ZFYVE16: variants seen among roughly 807,000 people sequenced by gnomAD.
ZFYVE16 encodes the protein zinc finger FYVE domain-containing protein 16.
Under a neutral mutation model 138.1 loss-of-function variants are expected in ZFYVE16, and 89 were observed. The ratio of observed to expected loss-of-function variants is 0.64; its 90% CI spans 0.54 to 0.77. The LOEUF is 0.77. ZFYVE16 is among the 30% of genes least tolerant of loss of function. The pLI is 0.00. For missense variants in ZFYVE16, 1,793 were observed against 1,786.7 expected (o/e 1.00, Z -0.06); for synonymous variants, 596 against 618.3 (o/e 0.96, Z 0.53).
At chr5:80,416,273 T>TA (rs1746220988) in intron 1 of ZFYVE16, among the ~76,000 whole-genome samples, 1 of 61,194 alleles carries the variant, frequency 1.6e-5, no homozygotes, top group African/African-American at 4.1e-5. Context: ...TTTTTTTTTT[T>TA]GAGACAAAGT....
intron 6 of ZFYVE16, chr5:80,443,735 C>G: frequency 2.2e-6 from 1 of 456,382 alleles, no homozygotes; most frequent in South Asian, 1.5e-5. Context: ...AAGATCCTGG[C>G]AGGAACCAGA....
intron 15 of ZFYVE16, among the ~76,000 whole-genome samples, chr5:80,470,090 T>A (rs1754176135): frequency 1.5e-5 from 1 of 66,578 alleles, no homozygotes; most frequent in Admixed American, 2.2e-4. Context: ...TGTGTGTGTG[T>A]GTGTGTGTGT....
At chr5:80,462,461 A>G (rs1395555956) in intron 15 of ZFYVE16, among the ~76,000 whole-genome samples, 2 of 152,188 alleles carry the variant, frequency 1.3e-5, no homozygotes, top group South Asian at 2.1e-4. Context: ...CATGGGGGAA[A>G]CTGCCCCCAT....
intron 6 of ZFYVE16, among the ~76,000 whole-genome samples, chr5:80,444,405 CAG>C (rs1751068895): frequency 6.7e-6 from 1 of 150,010 alleles, no homozygotes; most frequent in South Asian, 2.1e-4. Context: ...CAAATTTTTT[CAG>C]AGTTATCTTT....
At chr5:80,457,593 G>A (rs1752649621) in intron 14 of ZFYVE16, among the ~76,000 whole-genome samples, 1 of 152,106 alleles carries the variant, frequency 6.6e-6, no homozygotes, top group African/African-American at 2.4e-5. Flanking sequence ...TTAAATGGAA[G>A]CATTTCATAA....
At chr5:80,425,510 T>G (rs1171280857) in intron 1 of ZFYVE16, among the ~76,000 whole-genome samples, 1 of 152,222 alleles carries the variant, frequency 6.6e-6, no homozygotes, top group Non-Finnish European at 1.5e-5. Flanking sequence ...TTGTTTGTAT[T>G]TATTATTACA....
chr5:80,419,559 A>G (rs1746772532), intron 1 of ZFYVE16, among the ~76,000 whole-genome samples: 1 of 151,664 alleles, frequency 6.6e-6, no homozygotes, highest in Non-Finnish European at 1.5e-5. Context: ...TTTTATTTTT[A>G]GTAGAGACAG....
intron 8 of ZFYVE16, among the ~76,000 whole-genome samples, chr5:80,448,661 C>T (rs915518472): frequency 2.6e-5 from 4 of 151,756 alleles, no homozygotes; most frequent in African/African-American, 4.8e-5. Context: ...ACTTTTAGCC[C>T]GAAGAAATAT....
chr5:80,424,902 A>G (rs1561243132), intron 1 of ZFYVE16, among the ~76,000 whole-genome samples: 1 of 152,228 alleles, frequency 6.6e-6, no homozygotes, highest in Admixed American at 6.5e-5. Flanking sequence ...GTTATTGAAA[A>G]TTCTTCTGAA....
rs1177101074 is a variant in ZFYVE16 at position 80,456,464 on chromosome 5, CT to C, written c.3696del (p.Arg1233GlufsTer10). 1 of 1,608,898 alleles carries C rather than the reference CT, an allele frequency of 6.2e-7. No homozygotes were observed. Among genetic ancestry groups the C allele is most frequent in the Non-Finnish European group, 8.5e-7 (1 of 1,176,664 alleles). ...GTAATGCAATTATTCTATGTAGGACCTTCGAAATTACCAGTATACCTTGCAT... is the reference window on the plus strand; with the variant it reads ...GTAATGCAATTATTCTATGTAGGACCTCGAAATTACCAGTATACCTTGCAT... ...GHTIMNLLVD[L>X]RNYQYTLHNI... On this transcript the variant is annotated frameshift_variant, in exon 13 of 19. Transcript: ENST00000505560. LOFTEE classifies it high-confidence loss of function.
In ZFYVE16 at chr5:80,477,276, C is replaced by G; in HGVS notation, c.4519C>G (p.Leu1507Val). 1 of 1,607,774 alleles carries G rather than the reference C, an allele frequency of 6.2e-7. No individual in the cohort carries two copies. The change falls in exon 19 of 19, where the codon CTT (leucine) becomes GTT (valine). Residue 1507 changes from leucine (L) to valine (V), a missense_variant. Coordinates refer to ENST00000505560, the MANE Select transcript of ZFYVE16 (RefSeq NM_001284236.3). Reference protein sequence around the residue: ...QLLPQHYLNDLDSALIPVIHG... With the variant: ...QLLPQHYLNDVDSALIPVIHG... ...TCTGCCTCAGCATTATCTAAATGAT[C>G]TTGATAGTGCTCTGATACCTGTGAT... is the stretch of plus-strand genomic sequence containing the variant.
intron 1 of ZFYVE16, among the ~76,000 whole-genome samples, chr5:80,410,627 G>A (rs1396299669): frequency 6.6e-6 from 1 of 151,888 alleles, no homozygotes; most frequent in Non-Finnish European, 1.5e-5. Flanking sequence ...CTGGAGTGCA[G>A]TGGCGTGATC....
chr5:80,443,263 C>G lies in ZFYVE16; in HGVS notation c.2560C>G (p.Leu854Val), dbSNP rs1750920489. 2 of 1,608,712 alleles carry G rather than the reference C, an allele frequency of 1.2e-6. No individual in the cohort carries two copies. The highest frequency in any genetic ancestry group is 1.7e-6 in the Non-Finnish European group (2 of 1,178,852). ...ACCAGCAACTTTGCCAGTCTCAGCA[C>G]TTAAACAACCAGGTGTTGAAGGTAA... ...PSPATLPVSA[L>V]KQPGVEGLCS... is the part of the protein sequence containing the mutation. The change falls in exon 6 of 19, where the codon CTT (leucine) becomes GTT (valine). Residue 854 changes from leucine to valine, a missense_variant. Physicochemically the swap from Leu to Val is conservative, Grantham distance 32 (BLOSUM62 1). This residue lies in a region of ZFYVE16 where 1,295 missense variants were observed against 1,204.3 expected (regional missense o/e 1.08). Coordinates refer to ENST00000505560, the MANE Select transcript of ZFYVE16 (RefSeq NM_001284236.3).
At chr5:80,440,922 C>T in intron 5 of ZFYVE16, 1 of 985,248 alleles carries the variant, frequency 1.0e-6, no homozygotes, top group Non-Finnish European at 1.2e-6. Flanking sequence ...CAGCAATTCT[C>T]CAAAAAGCTC....
upstream of ZFYVE16, among the ~76,000 whole-genome samples, chr5:80,407,652 C>T (rs532014085): frequency 7.9e-5 from 12 of 152,338 alleles, no homozygotes; most frequent in South Asian, 2.5e-3. Flanking sequence ...AGGCCTAGCC[C>T]GCTGCCGGGA....
intron 5 of ZFYVE16, chr5:80,442,008 G>A: frequency 1.3e-6 from 1 of 777,964 alleles, no homozygotes; most frequent in African/African-American, 1.9e-5. Flanking sequence ...TGTAGAGATG[G>A]ATAGTAAACA....
chr5:80,434,246 A>T (rs1749546169), intron 3 of ZFYVE16, 29 bp downstream of exon 3: 1 of 1,609,128 alleles, frequency 6.2e-7, no homozygotes, highest in Non-Finnish European at 8.5e-7. Flanking sequence ...TTTGCCGCTA[A>T]TGGGATTTAA....
chr5:80,449,859 T>A (rs1751797462), intron 9 of ZFYVE16, 146 bp downstream of exon 9: 1 of 910,828 alleles, frequency 1.1e-6, no homozygotes, highest in African/African-American at 1.7e-5. Flanking sequence ...TGTAAATAAA[T>A]TTTGCAAATT....
At chr5:80,455,808 A>G (rs2112474213) in intron 12 of ZFYVE16, 34 bp downstream of exon 12, 1 of 1,511,556 alleles carries the variant, frequency 6.6e-7, no homozygotes, top group Non-Finnish European at 8.9e-7. Context: ...AGGTATTTTT[A>G]TACTGTTACT....
Sources: allele counts gnomAD v4.1 joint callset (sites outside exome capture counted in the v4.1 genomes callset), GRCh38; gene constraint gnomAD v4.1.1; regional missense constraint gnomAD v4.1.1; transcripts MANE v1.5; gene names NCBI Gene and HGNC (gene_info 2026-07-23, HGNC 2026-07-21).